ADAMTS1: variants seen among roughly 807,000 people sequenced by gnomAD.
The protein encoded by ADAMTS1 is A disintegrin and metalloproteinase with thrombospondin motifs 1.
In ADAMTS1, 19 loss-of-function variants were observed where a neutral mutation model predicts 87.9. The observed-to-expected ratio is 0.22, with a 90% CI of 0.15 to 0.32. The LOEUF is 0.32. Ranked by LOEUF, ADAMTS1 falls within the 10% of genes least tolerant of loss-of-function variation. ADAMTS1 has a pLI of 1.00. For synonymous variants in ADAMTS1, 542 were observed against 501.8 expected (o/e 1.08, Z -1.07); for missense variants, 1,240 against 1,259.1 (o/e 0.98, Z 0.23).
Position 26,845,169 on chromosome 21 carries a change from TC to T in ADAMTS1, c.-216del. 1.8e-6 allele frequency: 1 copy of T among 559,594 alleles called. No individual in the cohort carries two copies. The highest frequency in any genetic ancestry group is 2.7e-6 in the Non-Finnish European group (1 of 370,122). The allele number at this position is 559,594 out of a possible 1,614,324, so 34.7% of individuals were successfully genotyped here. A position where few individuals can be genotyped will look rare whatever the true frequency, so the allele number is the denominator to read the frequency against. On this transcript the variant is annotated 5_prime_UTR_variant, in exon 1 of 9. Coordinates refer to ENST00000284984, the MANE Select transcript of ADAMTS1 (RefSeq NM_006988.5). ...CTGCCGGCGCGCGGGAAGTTTTTCT[TC>T]CAGCGCAAAGTTGGAGACACTGAGA...
chr21:26,844,156 A>T (rs1444993758), intron 1 of ADAMTS1, 69 bp downstream of exon 1: 2 of 1,494,770 alleles, frequency 1.3e-6, no homozygotes, highest in East Asian at 2.3e-5. Flanking sequence ...TCTACCCTGA[A>T]GTCGCGTGGG....
chr21:26,844,702 G>A lies in ADAMTS1; in HGVS notation c.253C>T (p.Leu85=). 1.9e-6 allele frequency: 3 copies of A among 1,592,544 alleles called. No homozygotes were observed. The highest frequency in any genetic ancestry group is 1.3e-5 in the African/African-American group (1 of 74,844). The change falls in exon 1 of 9, where the codon CTG becomes TTG. Residue 85 remains leucine, a synonymous_variant. Coordinates refer to ENST00000284984, the MANE Select transcript of ADAMTS1 (RefSeq NM_006988.5). The part of the protein sequence containing the change: ...RLRLHAFDQQ[L]DLELRPDSSF... The stretch of plus-strand genomic sequence containing the variant: ...CTGTCGGGCCGCAGCTCCAGATCCA[G>A]CTGCTGGTCAAAGGCGTGCAGGCGG...
At chr21:26,839,544 C>G in intron 7 of ADAMTS1, 43 bp downstream of exon 7, 1 of 1,477,554 alleles carries the variant, frequency 6.8e-7, no homozygotes, top group Non-Finnish European at 9.0e-7. Flanking sequence ...GTAGCAAGCC[C>G]AGGCCTTGAT....
chr21:26,835,756 G>A lies in ADAMTS1; in HGVS notation c.*1823C>T. The A allele has an allele frequency of 6.6e-6, 1 of 151,928 alleles. No homozygotes were observed. Among genetic ancestry groups the A allele is most frequent in the East Asian group, 1.9e-4 (1 of 5,198 alleles). The allele number at this position is 151,928 out of a possible 1,614,324, so 9.4% of individuals were successfully genotyped here. ...ACAAATTCAAAAAGCATCCAGAACT[G>A]AAAGCTCTTTCCATTTAATTTATGG... On this transcript the variant is annotated 3_prime_UTR_variant, in exon 9 of 9. Coordinates refer to ENST00000284984, the MANE Select transcript of ADAMTS1 (RefSeq NM_006988.5).
At chr21:26,842,236 G>T in intron 2 of ADAMTS1, 103 bp downstream of exon 2, 2 of 1,202,192 alleles carry the variant, frequency 1.7e-6, no homozygotes, top group South Asian at 1.6e-5. Context: ...AATTAAAAAA[G>T]GTTAACTGCA....
intron 7 of ADAMTS1, 137 bp from the exon 8 acceptor site, chr21:26,838,751 T>C: frequency 3.8e-6 from 3 of 793,332 alleles, no homozygotes; most frequent in Non-Finnish European, 5.8e-6. Context: ...ATGCATTTCA[T>C]GCATTTACCC....
In ADAMTS1 at chr21:26,844,405, G is replaced by T; in HGVS notation, c.550C>A (p.His184Asn). The T allele has an allele frequency of 6.3e-7, 1 of 1,594,532 alleles. No individual in the cohort carries two copies. Among genetic ancestry groups the T allele is most frequent in the Non-Finnish European group, 8.5e-7 (1 of 1,171,862 alleles). ...CCCTGCCGATTCCGCCGCAGGAGGT[G>T]GAACTGTAGTGGTGCCGGCGGCTTC... ...GEKPPAPLQF[H>N]LLRRNRQGDV... Residue 184 changes from histidine to asparagine, a missense_variant, in exon 1 of 9, where the codon CAC becomes AAC. Transcript: ENST00000284984.
intron 3 of ADAMTS1, 30 bp from the exon 4 acceptor site, chr21:26,841,195 G>A: frequency 1.9e-6 from 3 of 1,609,910 alleles, no homozygotes; most frequent in Non-Finnish European, 2.5e-6. Flanking sequence ...CCACATTAAA[G>A]TATGGATCAT....
chr21:26,839,862 C>T lies in ADAMTS1; in HGVS notation c.1852+13G>A, dbSNP rs751156256. 50 of 1,611,026 alleles carry T rather than the reference C, an allele frequency of 3.1e-5. 1 individual carries two copies. In the Admixed American group the frequency reaches 3.5e-4, roughly 11 times the overall value. On this transcript the variant is annotated intron_variant, in intron 6 of 8. Transcript: ENST00000284984. Reference sequence around the variant, plus strand: ...AATCCAGTTTCTTAAAACCAGAGTCCGTTGCTCCTCACCATTATTGTCTGG... The same window carrying T: ...AATCCAGTTTCTTAAAACCAGAGTCTGTTGCTCCTCACCATTATTGTCTGG...
Position 26,840,440 on chromosome 21 carries a change from C to A in ADAMTS1, c.1501G>T (p.Asp501Tyr). The part of the protein sequence containing the change: ...TFGEDSKHCP[D>Y]AASTCSTLWC... ...AAGGTGCTACATGTGCTGGCTGCAT[C>A]GGGGCAGTGTTTGGAGTCCTCCCCA... Residue 501 changes from aspartate to tyrosine, a missense_variant, in exon 5 of 9, where the codon GAT (aspartate) becomes TAT (tyrosine). By Grantham distance (160) the Asp-to-Tyr change is radical (BLOSUM62 -3). Around this residue, in one of 3 missense-constraint regions of ADAMTS1, gnomAD observed 317 missense variants for 410.3 expected, o/e 0.77. Coordinates refer to ENST00000284984, the MANE Select transcript of ADAMTS1 (RefSeq NM_006988.5). 6.2e-7 allele frequency: 1 copy of A among 1,614,064 alleles called. No individual in the cohort carries two copies. Among genetic ancestry groups the A allele is most frequent in the Non-Finnish European group, 8.5e-7 (1 of 1,179,916 alleles).
chr21:26,842,862 C>T, intron 1 of ADAMTS1, 177 bp from the exon 2 acceptor site: 1 of 609,190 alleles, frequency 1.6e-6, no homozygotes, highest in Admixed American at 3.0e-5. Context: ...AAGTTCTCTC[C>T]TCTCCTTTAA....
rs1253815260 is a variant in ADAMTS1, at chr21:26,836,275, C to G, written c.*1304G>C. ...AGGAATGAATTCCCACTTCAAAAAACAGACACACACATTCCAAAAGTGTTC... is the reference window on the plus strand; with the variant it reads ...AGGAATGAATTCCCACTTCAAAAAAGAGACACACACATTCCAAAAGTGTTC... On this transcript the variant is annotated 3_prime_UTR_variant, in exon 9 of 9. Transcript: ENST00000284984. 1 of 152,234 alleles carries G rather than the reference C, an allele frequency of 6.6e-6. No homozygotes were observed. The highest frequency in any genetic ancestry group is 1.9e-4 in the East Asian group (1 of 5,200). 9.4% of individuals were successfully genotyped at this position (152,234 alleles called of 1,614,324 possible). A position where few individuals can be genotyped will look rare whatever the true frequency, so the allele number is the denominator to read the frequency against.
intron 1 of ADAMTS1, chr21:26,843,490 G>A (rs913512691): frequency 2.3e-6 from 1 of 430,766 alleles, no homozygotes; most frequent in African/African-American, 3.0e-5. Flanking sequence ...AAAAAGAACT[G>A]GAGAATAAGC....
rs1985412580 is a variant in ADAMTS1 at position 26,838,127 on chromosome 21, A to T, written c.2356T>A (p.Ser786Thr). 5.6e-6 allele frequency: 9 copies of T among 1,614,008 alleles called. No homozygotes were observed. Among genetic ancestry groups the T allele is most frequent in the Non-Finnish European group, 7.6e-6 (9 of 1,180,036 alleles). Residue 786 changes from serine (S) to threonine (T), a missense_variant, in exon 9 of 9, where the codon TCC (serine) becomes ACC (threonine). Ser to Thr is a moderately conservative substitution (Grantham distance 58). This residue lies in a region of ADAMTS1 where 402 missense variants were observed against 399.1 expected (regional missense o/e 1.01). Transcript: ENST00000284984. ...TYILNGDYTL[S>T]TLEQDIMYKG... Reference sequence around the variant, plus strand: ...TACATAATGTCTTGCTCTAAGGTGGACAAAGTGTAGTCACCATTAAGAATA... The same window carrying T: ...TACATAATGTCTTGCTCTAAGGTGGTCAAAGTGTAGTCACCATTAAGAATA...
In ADAMTS1 at chr21:26,844,213, C is replaced by T. The variant is rs1985557490; in HGVS notation, c.730+12G>A. 1 of 1,529,388 alleles carries T rather than the reference C, an allele frequency of 6.5e-7. No individual in the cohort carries two copies. The highest frequency in any genetic ancestry group is 8.8e-7 in the Non-Finnish European group (1 of 1,138,270). The allele number at this position is 1,529,388 out of a possible 1,614,324, so 94.7% of individuals were successfully genotyped here. A position where few individuals can be genotyped will look rare whatever the true frequency, so the allele number is the denominator to read the frequency against. ...GGATGAATGGACAGACAAACGAGAG[C>T]AATTCTTCTACCTGTGGGCTGTCCT... On this transcript the variant is annotated intron_variant, in intron 1 of 8. Transcript: ENST00000284984.
At chr21:26,838,670 AATG>A in intron 7 of ADAMTS1, 56 bp from the exon 8 acceptor site, 1 of 1,543,528 alleles carries the variant, frequency 6.5e-7, no homozygotes, top group Non-Finnish European at 8.9e-7. Context: ...GAGATGCTGC[AATG>A]ATAAGTGTAA....
At position 26,840,571 on chromosome 21, in the gene ADAMTS1, G is replaced by A. The variant is rs1247979578; in HGVS notation, c.1379-9C>T. 1 of 1,612,010 alleles carries A rather than the reference G, an allele frequency of 6.2e-7. No homozygotes were observed. The highest frequency in any genetic ancestry group is 2.2e-5 in the East Asian group (1 of 44,846). ...GTCCATCAAACATTCCCCTGCAAAG[G>A]AAATGCCAACCAATATCAATACAGA... On this transcript the variant is annotated splice_polypyrimidine_tract_variant and intron_variant, in intron 4 of 8. Transcript: ENST00000284984.
chr21:26,839,975 C>T lies in ADAMTS1; in HGVS notation c.1752G>A (p.Arg584=), dbSNP rs752211293. 7.4e-6 allele frequency: 12 copies of T among 1,613,974 alleles called. No homozygotes were observed. In the South Asian group the frequency reaches 1.2e-4, roughly 16 times the overall value. ...TCTTTGGGACTGGGTTGTCACATTC[C>T]CTCATCGTGTACTGGACTCCTCCAC... ...TCGGGVQYTM[R]ECDNPVPKNG... Residue 584 remains arginine (R), a synonymous_variant, in exon 6 of 9, where the codon AGG becomes AGA. Transcript: ENST00000284984.
rs1415268372 is a variant in ADAMTS1 at position 26,837,551 on chromosome 21, C to A, written c.*28G>T. 1 of 1,600,768 alleles carries A rather than the reference C, an allele frequency of 6.2e-7. No homozygotes were observed. Among genetic ancestry groups the A allele is most frequent in the Non-Finnish European group, 8.5e-7 (1 of 1,170,256 alleles). On this transcript the variant is annotated 3_prime_UTR_variant, in exon 9 of 9. Transcript: ENST00000284984. ...ACCAGCCCTTCCTCACTTTGCCTTG[C>A]CCTCAAAGCTAACACCACTTAAACC... is the stretch of plus-strand genomic sequence containing the variant.
Sources: allele counts gnomAD v4.1 joint callset, GRCh38; gene constraint gnomAD v4.1.1; regional missense constraint gnomAD v4.1.1; transcripts MANE v1.5; gene names NCBI Gene and HGNC (gene_info 2026-07-23, HGNC 2026-07-21).